FAM120C: variants seen among roughly 807,000 people sequenced by gnomAD.
The protein encoded by FAM120C is constitutive coactivator of PPAR-gamma-like protein 2.
A neutral mutation model predicts 71.2 loss-of-function variants in FAM120C; 14 were observed. The observed-to-expected ratio is 0.20, with a 90% CI of 0.13 to 0.31. The LOEUF (loss-of-function observed/expected upper bound fraction) is 0.31. Ranked by LOEUF, FAM120C falls within the 10% of genes least tolerant of loss-of-function variation. The probability of loss-of-function intolerance (pLI) is 1.00; values close to 1 mark genes in which losing one functional copy is unlikely to be tolerated. For synonymous variants in FAM120C, 354 were observed against 353.2 expected (o/e 1.00, Z -0.03); for missense variants, 500 against 879.0 (o/e 0.57, Z 5.45).
intron 4 of FAM120C, among the ~76,000 whole-genome samples, chrX:54,144,377 C>T (rs1268616651): frequency 4.5e-5 from 5 of 111,805 alleles, no homozygotes; most frequent in South Asian, 3.7e-4. Flanking sequence ...GTCAAATTGT[C>T]CCTGTTTGCA....
chrX:54,113,773 G>A (rs781866185), intron 10 of FAM120C, among the ~76,000 whole-genome samples: 16 of 108,766 alleles, frequency 1.5e-4, no homozygotes, highest in Non-Finnish European at 2.7e-4. Flanking sequence ...AAAATTAGCC[G>A]GGCGTGGTGG....
intron 11 of FAM120C, among the ~76,000 whole-genome samples, chrX:54,088,587 A>T (rs1557122263): frequency 3.0e-5 from 1 of 33,871 alleles, no homozygotes; most frequent in Non-Finnish European, 5.6e-5. Context: ...GCAAGACTCC[A>T]TCTCAAAAAA....
rs1247137087 is a variant in FAM120C at position 54,070,970 on chromosome X, T to C, written c.*2063A>G. ...TCATTGTAAGTGGGCAGTAAGCAAA[T>C]AGCCTTCTGGTTGTCTGGGCAAAAA... On this transcript the variant is annotated 3_prime_UTR_variant, in exon 16 of 16. Coordinates refer to ENST00000375180, the MANE Select transcript of FAM120C (RefSeq NM_017848.6). The C allele has an allele frequency of 2.7e-5, 3 of 111,722 alleles. No homozygotes were observed. Among genetic ancestry groups the C allele is most frequent in the Admixed American group, 9.6e-5 (1 of 10,396 alleles). The allele number at this position is 111,722 out of a possible 1,213,427, so 9.2% of individuals were successfully genotyped here.
intron 15 of FAM120C, among the ~76,000 whole-genome samples, chrX:54,079,912 C>A (rs2066756389): frequency 8.9e-6 from 1 of 112,015 alleles, no homozygotes; most frequent in African/African-American, 3.2e-5. Flanking sequence ...AGGCTGTGGG[C>A]AGTCTCACTG....
In FAM120C at chrX:54,157,755, T is replaced by A; in HGVS notation, c.963A>T (p.Pro321=). The A allele has an allele frequency of 8.3e-7, 1 of 1,199,769 alleles. No homozygotes were observed. Among genetic ancestry groups the A allele is most frequent in the African/African-American group, 1.7e-5 (1 of 57,546 alleles). Residue 321 remains proline, a synonymous_variant, in exon 3 of 16, where the codon CCA becomes CCT. Coordinates refer to ENST00000375180, the MANE Select transcript of FAM120C (RefSeq NM_017848.6). The part of the protein sequence containing the change: ...FAALLGNHIL[P]DEDLAAFHWS... The stretch of plus-strand genomic sequence containing the variant: ...AGTGAAAAGCAGCCAGGTCCTCATC[T>A]GGGAGGATGTGGTTACCTATAAAGT...
intron 1 of FAM120C, among the ~76,000 whole-genome samples, chrX:54,175,018 T>C (rs901258606): frequency 9.0e-6 from 1 of 111,382 alleles, no homozygotes; most frequent in Non-Finnish European, 1.9e-5. Flanking sequence ...TTGTCTCCTC[T>C]ACTAGATAGA....
At chrX:54,165,945 TAA>T (rs2067257563) in intron 1 of FAM120C, among the ~76,000 whole-genome samples, 1 of 110,240 alleles carries the variant, frequency 9.1e-6, no homozygotes, top group South Asian at 3.8e-4. Context: ...TATGAACGTA[TAA>T]ATGACTGATG....
intron 10 of FAM120C, among the ~76,000 whole-genome samples, chrX:54,096,887 A>G (rs1206617569): frequency 9.0e-5 from 10 of 111,586 alleles, no homozygotes; most frequent in African/African-American, 3.2e-4. Context: ...ACCAGACCCA[A>G]TTTACATCCT....
intron 9 of FAM120C, among the ~76,000 whole-genome samples, chrX:54,127,201 A>G (rs1409051403): frequency 9.0e-6 from 1 of 111,274 alleles, no homozygotes; most frequent in Non-Finnish European, 1.9e-5. Context: ...GGATTTCAAC[A>G]TAAGAATTGC....
intron 9 of FAM120C, among the ~76,000 whole-genome samples, chrX:54,129,143 C>A (rs782464453): frequency 1.9e-5 from 2 of 105,524 alleles, no homozygotes; most frequent in Admixed American, 9.9e-5. Context: ...CCGGCCGGGG[C>A]GGCTGGCCTG....
At chrX:54,174,759 G>T (rs1557136434) in intron 1 of FAM120C, among the ~76,000 whole-genome samples, 1 of 111,887 alleles carries the variant, frequency 8.9e-6, no homozygotes, top group African/African-American at 3.2e-5. Context: ...CTTTCAAAAA[G>T]AAAAGGAAAA....
At chrX:54,163,884 T>TTGTG (rs782142864) in intron 1 of FAM120C, among the ~76,000 whole-genome samples, 14 of 102,987 alleles carry the variant, frequency 1.4e-4, no homozygotes, top group Admixed American at 7.3e-4. Context: ...CCTTTTTATG[T>TTGTG]TGTGTGTGTG....
At chrX:54,114,210 A>G in intron 10 of FAM120C, among the ~76,000 whole-genome samples, 1 of 111,050 alleles carries the variant, frequency 9.0e-6, no homozygotes, top group Non-Finnish European at 1.9e-5. Context: ...GTGGGAGGTA[A>G]ATAATGTGTG....
intron 3 of FAM120C, among the ~76,000 whole-genome samples, chrX:54,155,551 G>A (rs1161531247): frequency 8.9e-6 from 1 of 111,746 alleles, no homozygotes; most frequent in East Asian, 2.8e-4. Flanking sequence ...AAAGCAAACA[G>A]GGGAAGGGAA....
At chrX:54,132,174 GCCC>G (rs1365024211) in intron 9 of FAM120C, among the ~76,000 whole-genome samples, 2 of 110,263 alleles carry the variant, frequency 1.8e-5, no homozygotes, top group African/African-American at 6.6e-5. Context: ...TCCCATCTCA[GCCC>G]CCCAAGTAGC....
At chrX:54,178,591 TTGAGG>T (rs1557136950) in intron 1 of FAM120C, among the ~76,000 whole-genome samples, 2 of 112,109 alleles carry the variant, frequency 1.8e-5, no homozygotes, top group Non-Finnish European at 1.9e-5. Flanking sequence ...TTGCAAGCTC[TTGAGG>T]ATTAAATGAG....
chrX:54,162,433 T>C (rs2067239869), intron 1 of FAM120C, among the ~76,000 whole-genome samples: 1 of 111,866 alleles, frequency 8.9e-6, no homozygotes, highest in African/African-American at 3.2e-5. Context: ...CAGAGACAGA[T>C]GACACAGTCA....
chrX:54,144,489 G>A (rs1314249950), intron 4 of FAM120C, among the ~76,000 whole-genome samples: 1 of 111,663 alleles, frequency 9.0e-6, no homozygotes, highest in Non-Finnish European at 1.9e-5. Flanking sequence ...AAATCAATGT[G>A]CAAAAATCAC....
intron 1 of FAM120C, 88 bp downstream of exon 1, chrX:54,182,412 G>A: frequency 9.6e-7 from 1 of 1,040,015 alleles, no homozygotes; most frequent in Middle Eastern, 2.7e-4. Flanking sequence ...GGGAGGTAGG[G>A]TAGTGGGTAA....
Sources: gnomAD v4.1 joint callset for allele counts (sites outside exome capture counted in the v4.1 genomes callset) on GRCh38, gnomAD v4.1.1 for gene constraint, MANE v1.5 for transcripts, NCBI Gene and HGNC (gene_info 2026-07-23, HGNC 2026-07-21) for gene names.